Variants in SPTB observed in about 807,000 individuals in gnomAD.
SPTB encodes the protein spectrin beta, erythrocytic.
Under a neutral mutation model 256.2 loss-of-function variants are expected in SPTB, and 45 were observed. The observed-to-expected ratio is 0.18, with a 90% confidence interval of 0.14 to 0.23. The LOEUF (loss-of-function observed/expected upper bound fraction) is 0.23, where lower values mean the gene tolerates loss of function less well. Ranked by LOEUF, SPTB falls within the 10% of genes least tolerant of loss-of-function variation. The pLI is 1.00. For synonymous variants in SPTB, 1,231 were observed against 1,243.1 expected (o/e 0.99, Z 0.21); for missense variants, 2,715 against 3,040.4 (o/e 0.89, Z 2.52).
At chr14:64,878,775 C>A (rs1254269721) in intron 1 of SPTB, among the ~76,000 whole-genome samples, 2 of 151,310 alleles carry the variant, frequency 1.3e-5, no homozygotes, top group African/African-American at 4.9e-5. Flanking sequence ...TCACTATATC[C>A]CCCCACCCCA....
intron 1 of SPTB, among the ~76,000 whole-genome samples, chr14:64,831,432 A>T (rs1003661513): frequency 6.6e-6 from 1 of 152,260 alleles, no homozygotes; most frequent in East Asian, 1.9e-4. Context: ...GTGAAAACCT[A>T]AAAAGCTAAA....
chr14:64,773,797 G>C (rs1384325871), intron 24 of SPTB, among the ~76,000 whole-genome samples: 1 of 152,196 alleles, frequency 6.6e-6, no homozygotes, highest in East Asian at 1.9e-4. Context: ...GCCCTCCAGG[G>C]AGGGAAAAGA....
chr14:64,867,710 C>T (rs1011740723), intron 1 of SPTB, among the ~76,000 whole-genome samples: 1 of 151,842 alleles, frequency 6.6e-6, no homozygotes, highest in Non-Finnish European at 1.5e-5. Flanking sequence ...AAAAATTACC[C>T]GGGCATGGTG....
chr14:64,753,622 G>T lies in SPTB; in HGVS notation c.6517C>A (p.Arg2173=), dbSNP rs1397889689. Residue 2173 remains arginine, a synonymous_variant, in exon 33 of 36, where the codon CGG becomes AGG. Coordinates refer to ENST00000644917, the MANE Select transcript of SPTB (RefSeq NM_001355436.2). ...GDEPATLPAP[R]DHGQSVQMEG... ...ATCTGCACACTCTGCCCATGGTCCCGCGGGGCCGGCAGCGTTGCGGGCTCA... is the reference window on the plus strand; with the variant it reads ...ATCTGCACACTCTGCCCATGGTCCCTCGGGGCCGGCAGCGTTGCGGGCTCA... 1.2e-6 allele frequency: 2 copies of T among 1,613,622 alleles called. No individual in the cohort carries two copies. The highest frequency in any genetic ancestry group is 1.7e-5 in the Admixed American group (1 of 60,022).
chr14:64,848,566 G>C (rs1455834455), intron 1 of SPTB, among the ~76,000 whole-genome samples: 1 of 152,138 alleles, frequency 6.6e-6, no homozygotes, highest in African/African-American at 2.4e-5. Context: ...CATCAATATT[G>C]TTGATAAGTT....
chr14:64,759,592 C>T lies in SPTB; in HGVS notation c.6346-5799G>A, dbSNP rs745426076. On this transcript the variant is annotated intron_variant, in intron 32 of 35. Coordinates refer to ENST00000644917, the MANE Select transcript of SPTB (RefSeq NM_001355436.2). The surrounding 1 kb of genome is among the most constrained non-coding windows in gnomAD (Gnocchi z 4.8). Reference sequence around the variant, plus strand: ...TATGGACAGAGAGCACCAGGAGGGGCGATGCTGGCTACTCATGTGGCTGAG... The same window carrying T: ...TATGGACAGAGAGCACCAGGAGGGGTGATGCTGGCTACTCATGTGGCTGAG... 5.5e-4 allele frequency among the ~76,000 whole-genome samples: 84 copies of T among 152,348 alleles called. No homozygotes were observed. The highest frequency in any genetic ancestry group is 9.1e-4 in the Non-Finnish European group (62 of 68,028).
chr14:64,875,549 G>A (rs879454786), intron 1 of SPTB, among the ~76,000 whole-genome samples: 1 of 152,164 alleles, frequency 6.6e-6, no homozygotes, highest in Non-Finnish European at 1.5e-5. Context: ...CCCCTAATGG[G>A]GTGAAGAAGG....
Position 64,794,460 on chromosome 14 carries a change from G to T in SPTB, c.1795+7C>A. The T allele has an allele frequency of 6.2e-7, 1 of 1,614,186 alleles. No homozygotes were observed. On this transcript the variant is annotated splice_region_variant and intron_variant, in intron 13 of 35. Transcript: ENST00000644917. ...AGCCTCAAAAGGGGAGACAGACTTG[G>T]TCTCACCTTTCCCCTCGGTGAACTT...
chr14:64,756,687 T>C (rs1361637709), intron 32 of SPTB: 1 of 152,264 alleles, frequency 6.6e-6, no homozygotes, highest in Non-Finnish European at 1.5e-5. Flanking sequence ...TTGAGGACTC[T>C]GCATTTCCTG....
chr14:64,784,605 T>C (rs965656008), intron 18 of SPTB, among the ~76,000 whole-genome samples: 3 of 152,230 alleles, frequency 2.0e-5, no homozygotes, highest in Non-Finnish European at 4.4e-5. Context: ...CAGGTGCATC[T>C]TCCCCACTGG....
intron 1 of SPTB, among the ~76,000 whole-genome samples, chr14:64,836,799 T>C (rs1414448450): frequency 6.6e-6 from 1 of 152,258 alleles, no homozygotes; most frequent in Non-Finnish European, 1.5e-5. Flanking sequence ...ACATGTTAAT[T>C]GGATGGAACA....
Position 64,803,496 on chromosome 14 carries a change from CT to C in SPTB, c.474+110del, listed in dbSNP as rs3842325. The C allele has an allele frequency of 0.37, 505,958 of 1,378,470 alleles. 97,754 individuals carry two copies. The highest frequency in any genetic ancestry group is 0.64 in the African/African-American group (45,090 of 70,336). 85.4% of individuals were successfully genotyped at this position (1,378,470 alleles called of 1,614,324 possible). A position where few individuals can be genotyped will look rare whatever the true frequency, so the allele number is the denominator to read the frequency against. ...CTGTCCCATGTGGCAGATTTACAGC[CT>C]TCCCAGAATGTGCACTAACACCCAC... On this transcript the variant is annotated intron_variant, in intron 4 of 35. Transcript: ENST00000644917.
Position 64,873,601 on chromosome 14 carries a change from G to A in SPTB, c.-52+6191C>T, listed in dbSNP as rs1056478972. Among the ~76,000 whole-genome samples, 1 of 152,176 alleles carries A rather than the reference G, an allele frequency of 6.6e-6. No individual in the cohort carries two copies. On this transcript the variant is annotated intron_variant, in intron 1 of 35. Coordinates refer to ENST00000644917, the MANE Select transcript of SPTB (RefSeq NM_001355436.2). The surrounding 1 kb of genome is among the most constrained non-coding windows in gnomAD (Gnocchi z 4.3). Reference sequence around the variant, plus strand: ...GGAGGGCCATTCTTGAGGTTCTGTGGCTATGGTAAAGGGTAATACCATTAA... The same window carrying A: ...GGAGGGCCATTCTTGAGGTTCTGTGACTATGGTAAAGGGTAATACCATTAA...
chr14:64,859,479 T>C (rs529497489), intron 1 of SPTB, among the ~76,000 whole-genome samples: 5 of 152,306 alleles, frequency 3.3e-5, no homozygotes, highest in African/African-American at 1.2e-4. Context: ...CCGTGGTGGC[T>C]CATGCCTGTA....
At chr14:64,784,178 T>C in intron 19 of SPTB, 69 bp downstream of exon 19, 1 of 1,608,650 alleles carries the variant, frequency 6.2e-7, no homozygotes, top group South Asian at 1.1e-5. Flanking sequence ...GTCCACACCC[T>C]GGGTGAAGCC....
At chr14:64,801,945 G>A (rs561777254) in intron 5 of SPTB, 111 bp from the exon 6 acceptor site, 1 of 1,145,066 alleles carries the variant, frequency 8.7e-7, no homozygotes, top group Non-Finnish European at 1.3e-6. Context: ...GTCCTTTCTT[G>A]AGCCAGGTCA....
intron 1 of SPTB, among the ~76,000 whole-genome samples, chr14:64,842,411 G>C (rs230698): frequency 0.16 from 24,687 of 152,130 alleles, 2,951 homozygotes; most frequent in African/African-American, 0.33. Flanking sequence ...CCAGGCAGTA[G>C]GGGGTAGTGG....
At chr14:64,861,027 G>C (rs2083958608) in intron 1 of SPTB, among the ~76,000 whole-genome samples, 1 of 152,188 alleles carries the variant, frequency 6.6e-6, no homozygotes, top group East Asian at 1.9e-4. Context: ...CTATAAAAAG[G>C]AATGAGATCA....
At position 64,749,442 on chromosome 14, in the gene SPTB, C is replaced by T; in HGVS notation, c.6851G>A (p.Ser2284Asn). 6.2e-7 allele frequency: 1 copy of T among 1,603,000 alleles called. No individual in the cohort carries two copies. The highest frequency in any genetic ancestry group is 1.7e-5 in the Admixed American group (1 of 59,962). Reference protein sequence around the residue: ...EEMLSWLQGVSTAINESQSIR... With the variant: ...EEMLSWLQGVNTAINESQSIR... Reference sequence around the variant, plus strand: ...GCTCTGGGACTCGTTGATGGCGGTGCTCACGCCCTGCAGCCAGGACAGCAT... The same window carrying T: ...GCTCTGGGACTCGTTGATGGCGGTGTTCACGCCCTGCAGCCAGGACAGCAT... The change falls in exon 36 of 36, where the codon AGC (serine) becomes AAC (asparagine). Residue 2284 changes from serine (S) to asparagine (N), a missense_variant. Coordinates refer to ENST00000644917, the MANE Select transcript of SPTB (RefSeq NM_001355436.2). This position sits in a 1 kb window ranked among gnomAD's most constrained non-coding sequence, Gnocchi z 4.7.
Sources: gnomAD v4.1 joint callset for allele counts (sites outside exome capture counted in the v4.1 genomes callset) on GRCh38, gnomAD v4.1.1 for gene constraint, Gnocchi (gnomAD v3.1) non-coding constraint, MANE v1.5 for transcripts, NCBI Gene and HGNC (gene_info 2026-07-23, HGNC 2026-07-21) for gene names.